MIER2: variants seen among roughly 807,000 people sequenced by gnomAD.
MIER2 encodes mesoderm induction early response protein 2.
Under a neutral mutation model 67.6 loss-of-function variants are expected in MIER2, and 30 were observed. The observed-to-expected ratio is 0.44, with a 90% CI of 0.33 to 0.60. The LOEUF (loss-of-function observed/expected upper bound fraction) is 0.60. MIER2 is among the 20% of genes least tolerant of loss of function. MIER2 has a pLI of 0.02. For missense variants in MIER2, 702 were observed against 745.1 expected (o/e 0.94, Z 0.67); for synonymous variants, 372 against 312.6 (o/e 1.19, Z -2.00).
At position 306,433 on chromosome 19, in the gene MIER2, T is replaced by C; in HGVS notation, c.*257A>G. 1.7e-6 allele frequency: 1 copy of C among 597,286 alleles called. No homozygotes were observed. Among genetic ancestry groups the C allele is most frequent in the Non-Finnish European group, 3.0e-6 (1 of 337,278 alleles). 37.0% of individuals were successfully genotyped at this position (597,286 alleles called of 1,614,324 possible). On this transcript the variant is annotated 3_prime_UTR_variant, in exon 14 of 14. Transcript: ENST00000264819. ...CCCCGGCTGCCCGACGGATCCCACG[T>C]GCAGGCAGCGGCCCGGACCCGGGTG... is the stretch of plus-strand genomic sequence containing the variant.
At chr19:324,678 AGAC>A (rs1295522835) in intron 7 of MIER2, among the ~76,000 whole-genome samples, 8 of 152,226 alleles carry the variant, frequency 5.3e-5, no homozygotes, top group African/African-American at 1.9e-4. Flanking sequence ...ACAACCACGC[AGAC>A]GACTCGAATG....
At chr19:341,276 C>T (rs1245688370) in intron 1 of MIER2, among the ~76,000 whole-genome samples, 1 of 152,132 alleles carries the variant, frequency 6.6e-6, no homozygotes, top group East Asian at 1.9e-4. Context: ...CCAGTCTGGA[C>T]GGCAAGTTGA....
At chr19:331,779 G>C (rs2145506515) in intron 3 of MIER2, among the ~76,000 whole-genome samples, 1 of 152,162 alleles carries the variant, frequency 6.6e-6, no homozygotes, top group Middle Eastern at 3.4e-3. Context: ...TCAAGAGTTT[G>C]AGACCAGCCT....
chr19:315,520 T>G (rs1971201794), intron 7 of MIER2, among the ~76,000 whole-genome samples: 1 of 152,136 alleles, frequency 6.6e-6, no homozygotes, highest in Non-Finnish European at 1.5e-5. Context: ...GACTTGAAAT[T>G]TATAGAAAAG....
chr19:315,957 C>T lies in MIER2; in HGVS notation c.656-2314G>A, dbSNP rs185495408. On this transcript the variant is annotated intron_variant, in intron 7 of 13. Coordinates refer to ENST00000264819, the MANE Select transcript of MIER2 (RefSeq NM_017550.3). ...AAACAACTCTTAGGAGAGAAAAGGGCACAATGACTTCAGAAGAAAGAGTAA... is the reference window on the plus strand; with the variant it reads ...AAACAACTCTTAGGAGAGAAAAGGGTACAATGACTTCAGAAGAAAGAGTAA... Among the ~76,000 whole-genome samples, 23 of 152,336 alleles carry T rather than the reference C, an allele frequency of 1.5e-4. No individual in the cohort carries two copies. The East Asian group carries it at 2.9e-3, about 19-fold the overall frequency.
At chr19:334,616 C>A in intron 2 of MIER2, 74 bp from the exon 3 acceptor site, 3 of 1,556,394 alleles carry the variant, frequency 1.9e-6, no homozygotes, top group Non-Finnish European at 2.6e-6. Context: ...ACTACTGACG[C>A]CTGGTGAAGC....
intron 10 of MIER2, among the ~76,000 whole-genome samples, chr19:309,225 C>G (rs1326371264): frequency 6.6e-6 from 1 of 152,110 alleles, no homozygotes; most frequent in Admixed American, 6.5e-5. Flanking sequence ...CAAACGTACC[C>G]TCCAGGCCTC....
chr19:311,928 C>A lies in MIER2; in HGVS notation c.901G>T (p.Ala301Ser). The change falls in exon 10 of 14, where the codon GCT becomes TCT. Residue 301 changes from alanine to serine, a missense_variant. Coordinates refer to ENST00000264819, the MANE Select transcript of MIER2 (RefSeq NM_017550.3). ...TTCCTGCACTCCTCTTCACTCCAAGCACAGAGCCCATCTGCAAACACGGCC... is the reference window on the plus strand; with the variant it reads ...TTCCTGCACTCCTCTTCACTCCAAGAACAGAGCCCATCTGCAAACACGGCC... ...NVKVIRDGLC[A>S]WSEEECRNFE... 6.2e-7 allele frequency: 1 copy of A among 1,614,002 alleles called. No individual in the cohort carries two copies. Among genetic ancestry groups the A allele is most frequent in the African/African-American group, 1.3e-5 (1 of 75,038 alleles).
At chr19:322,790 C>T (rs952083963) in intron 7 of MIER2, among the ~76,000 whole-genome samples, 2 of 152,140 alleles carry the variant, frequency 1.3e-5, no homozygotes, top group African/African-American at 2.4e-5. Flanking sequence ...CATCAAGTGC[C>T]GAGTGCCTAT....
At chr19:324,707 C>T (rs72984491) in intron 7 of MIER2, among the ~76,000 whole-genome samples, 18,728 of 152,174 alleles carry the variant, frequency 0.12, 1,499 homozygotes, top group African/African-American at 0.21. Flanking sequence ...GGTGTCATAC[C>T]GAGTGGGAGG....
At chr19:311,412 G>C (rs1464613456) in intron 10 of MIER2, among the ~76,000 whole-genome samples, 2 of 152,184 alleles carry the variant, frequency 1.3e-5, no homozygotes, top group African/African-American at 4.8e-5. Flanking sequence ...CCTGTCATGA[G>C]GGTTTGTCCC....
chr19:327,821 C>G lies in MIER2; in HGVS notation c.369+43G>C, dbSNP rs7257040. 1.9e-5 allele frequency: 31 copies of G among 1,606,574 alleles called. No homozygotes were observed. The East Asian group carries it at 4.7e-4, about 24-fold the overall frequency. Reference sequence around the variant, plus strand: ...GCAGAGAGGCAGCGCCAGGCCCCCCCACCTTCAGCTGTGAGCCAGTTCCAG... The same window carrying G: ...GCAGAGAGGCAGCGCCAGGCCCCCCGACCTTCAGCTGTGAGCCAGTTCCAG... On this transcript the variant is annotated intron_variant, in intron 4 of 13. Coordinates refer to ENST00000264819, the MANE Select transcript of MIER2 (RefSeq NM_017550.3).
At chr19:341,174 G>A (rs148110608) in intron 1 of MIER2, among the ~76,000 whole-genome samples, 6 of 152,302 alleles carry the variant, frequency 3.9e-5, no homozygotes, top group Admixed American at 2.6e-4. Context: ...TCTGGGCAAC[G>A]GTTCCTGCCT....
At chr19:310,580 C>T (rs991672217) in intron 10 of MIER2, among the ~76,000 whole-genome samples, 4 of 151,034 alleles carry the variant, frequency 2.6e-5, no homozygotes, top group Non-Finnish European at 5.9e-5. Flanking sequence ...AGAAACACGG[C>T]CGGGAGCTGC....
At position 312,213 on chromosome 19, in the gene MIER2, C is replaced by T. The variant is rs1226418399; in HGVS notation, c.867G>A (p.Arg289=). Residue 289 remains arginine (R), a synonymous_variant, in exon 9 of 14, where the codon CGG becomes CGA. Transcript: ENST00000264819. ...CACCTCGGATCACCTTCACGTTGAA[C>T]CGCAGCCTTCGCAGGGCCTCCTCCA... ...FNVEEALRRL[R]FNVKVIRDGL... The T allele has an allele frequency of 1.9e-6, 3 of 1,613,958 alleles. No homozygotes were observed. The African/African-American group carries it at 4.0e-5, about 22-fold the overall frequency.
intron 5 of MIER2, 41 bp downstream of exon 5, chr19:327,092 G>T (rs1351422440): frequency 1.3e-6 from 2 of 1,555,112 alleles, no homozygotes; most frequent in Non-Finnish European, 1.7e-6. Flanking sequence ...TGCCTGGCAG[G>T]GGGCCTGGCT....
At chr19:309,617 GACAC>G (rs752027099) in intron 10 of MIER2, among the ~76,000 whole-genome samples, 4 of 92,034 alleles carry the variant, frequency 4.3e-5, no homozygotes, top group East Asian at 2.6e-4. Context: ...GACGAGAAGG[GACAC>G]ACACACGCAC....
At chr19:307,090 G>C in intron 13 of MIER2, 29 bp downstream of exon 13, 1 of 1,554,102 alleles carries the variant, frequency 6.4e-7, no homozygotes, top group East Asian at 2.4e-5. Flanking sequence ...GGAGTGTTGC[G>C]GAGGCTCCGG....
At chr19:310,685 A>ACGGCCCGGAGCTGTAGAAACACGGCCCG (rs1218284718) in intron 10 of MIER2, among the ~76,000 whole-genome samples, 103 of 55,202 alleles carry the variant, frequency 1.9e-3, no homozygotes, top group East Asian at 5.7e-3. Context: ...AACACAGCCC[A>ACGGCCCGGAGCTGTAGAAACACGGCCCG]GAGCTATAGA....
Sources: allele counts gnomAD v4.1 joint callset (sites outside exome capture counted in the v4.1 genomes callset), GRCh38; gene constraint gnomAD v4.1.1; transcripts MANE v1.5; gene names NCBI Gene and HGNC (gene_info 2026-07-23, HGNC 2026-07-21).